Variants in ITGA1 observed in about 807,000 individuals in gnomAD.
The protein encoded by ITGA1 is integrin alpha-1.
In ITGA1, 85 loss-of-function variants were observed where a neutral mutation model predicts 145.9. The ratio of observed to expected loss-of-function variants is 0.58; its 90% CI spans 0.49 to 0.70. The LOEUF is 0.70. Among genes scored for constraint, ITGA1 ranks in the 30% least tolerant of loss-of-function variants. The pLI is 0.00. For missense variants in ITGA1, 1,351 were observed against 1,418.7 expected, an observed-to-expected ratio of 0.95 and a Z score of 0.77; for synonymous variants, 520 against 495.3, an observed-to-expected ratio of 1.05 and a Z score of -0.66.
At chr5:52,937,044 A>G (rs1201230294) in intron 23 of ITGA1, among the ~76,000 whole-genome samples, 3 of 125,872 alleles carry the variant, frequency 2.4e-5, no homozygotes, top group African/African-American at 1.2e-4. Context: ...AAAGACTGGT[A>G]TGTTAAAAAA....
intron 21 of ITGA1, 56 bp downstream of exon 21, chr5:52,929,757 T>C: frequency 1.1e-6 from 1 of 924,030 alleles, no homozygotes; most frequent in South Asian, 1.6e-5. Context: ...TTCTTCTGTG[T>C]ATGTCGAATA....
At position 52,893,655 on chromosome 5, in the gene ITGA1, C is replaced by T; in HGVS notation, c.925-20C>T. 6.3e-7 allele frequency: 1 copy of T among 1,595,578 alleles called. No individual in the cohort carries two copies. Among genetic ancestry groups the T allele is most frequent in the Non-Finnish European group, 8.5e-7 (1 of 1,169,944 alleles). ...ACATAGAATTTAAAATATATTCTTG[C>T]TGTTTCTGTTGTGTCTTAGATTCTT... On this transcript the variant is annotated intron_variant, in intron 8 of 28. Transcript: ENST00000282588.
At chr5:52,869,731 G>A (rs1749748851) in intron 6 of ITGA1, among the ~76,000 whole-genome samples, 1 of 151,984 alleles carries the variant, frequency 6.6e-6, no homozygotes, top group African/African-American at 2.4e-5. Flanking sequence ...CTGATTATTG[G>A]ACATTTAATG....
At chr5:52,908,551 G>A (rs1193093736) in intron 12 of ITGA1, among the ~76,000 whole-genome samples, 1 of 152,068 alleles carries the variant, frequency 6.6e-6, no homozygotes, top group Non-Finnish European at 1.5e-5. Context: ...GCATTCTACT[G>A]CTTATCTAAT....
At position 52,849,381 on chromosome 5, in the gene ITGA1, C is replaced by T. The variant is rs757065276; in HGVS notation, c.78C>T (p.Cys26=). The change falls in exon 2 of 29, where the codon TGC becomes TGT. Residue 26 remains cysteine (C), a synonymous_variant. Transcript: ENST00000282588. ...CTCCTAAAGTTGTTCTACGCTGCTG[C>T]GTATCATTCAATGTTGATGTGAAAA... ...CWLLTVVLRC[C]VSFNVDVKNS... 2.5e-5 allele frequency: 40 copies of T among 1,609,520 alleles called. No homozygotes were observed. The East Asian group carries it at 3.3e-4, about 13-fold the overall frequency.
chr5:52,828,978 T>C (rs1450651104), intron 1 of ITGA1, among the ~76,000 whole-genome samples: 1 of 152,210 alleles, frequency 6.6e-6, no homozygotes, highest in Non-Finnish European at 1.5e-5. Flanking sequence ...TAAATACTCC[T>C]CTCCTTTCTC....
At chr5:52,863,272 C>A (rs964335939) in intron 3 of ITGA1, among the ~76,000 whole-genome samples, 1 of 152,154 alleles carries the variant, frequency 6.6e-6, no homozygotes, top group Non-Finnish European at 1.5e-5. Flanking sequence ...ATTTACTATT[C>A]AAGTCATCTA....
rs766560662 is a variant in ITGA1 at position 52,909,009 on chromosome 5, C to A, written c.1567C>A (p.Gln523Lys). Residue 523 changes from glutamine (Q) to lysine (K), a missense_variant, in exon 13 of 29, where the codon CAA becomes AAA. Transcript: ENST00000282588. ...PMYMGTEKEE[Q>K]GKVYVYALNQ... is the part of the protein sequence containing the mutation. ...GTACATGGGAACAGAGAAGGAGGAGCAAGGAAAAGTGTATGTGTATGCTCT... is the reference window on the plus strand; with the variant it reads ...GTACATGGGAACAGAGAAGGAGGAGAAAGGAAAAGTGTATGTGTATGCTCT... 6.2e-7 allele frequency: 1 copy of A among 1,613,770 alleles called. No individual in the cohort carries two copies. Among genetic ancestry groups the A allele is most frequent in the Non-Finnish European group, 8.5e-7 (1 of 1,179,822 alleles).
intron 1 of ITGA1, among the ~76,000 whole-genome samples, chr5:52,843,617 C>A (rs1363711052): frequency 2.6e-5 from 4 of 152,166 alleles, no homozygotes; most frequent in Non-Finnish European, 5.9e-5. Context: ...TATCCTTTTT[C>A]TGCCAGTCCT....
chr5:52,855,887 A>G (rs544438356), intron 2 of ITGA1, among the ~76,000 whole-genome samples: 13 of 152,266 alleles, frequency 8.5e-5, no homozygotes, highest in Admixed American at 2.0e-4. Context: ...TAGCAGTCCT[A>G]TGATCTGCTA....
chr5:52,929,876 C>A (rs1164807053), intron 21 of ITGA1, among the ~76,000 whole-genome samples, 175 bp downstream of exon 21: 1 of 149,638 alleles, frequency 6.7e-6, no homozygotes, highest in Non-Finnish European at 1.5e-5. Context: ...GAATAATTAG[C>A]AAAATAAAGA....
intron 28 of ITGA1, among the ~76,000 whole-genome samples, chr5:52,949,742 C>A (rs1751190176): frequency 6.6e-6 from 1 of 152,102 alleles, no homozygotes; most frequent in Admixed American, 6.6e-5. Flanking sequence ...TTCGGTAGTT[C>A]CATTATATCA....
intron 1 of ITGA1, chr5:52,800,552 C>A (rs1748449614): frequency 5.6e-6 from 9 of 1,613,644 alleles, no homozygotes; most frequent in Non-Finnish European, 7.6e-6. Context: ...GAGTCCTCCA[C>A]GGGCAGCGTG....
At chr5:52,940,419 T>C (rs1201046466) in intron 26 of ITGA1, among the ~76,000 whole-genome samples, 4 of 151,130 alleles carry the variant, frequency 2.6e-5, no homozygotes, top group Non-Finnish European at 4.4e-5. Flanking sequence ...TTTCTTTTTT[T>C]TTTTTTTGAG....
intron 8 of ITGA1, among the ~76,000 whole-genome samples, chr5:52,890,441 C>T (rs1446468570): frequency 2.0e-5 from 3 of 152,146 alleles, no homozygotes; most frequent in Non-Finnish European, 4.4e-5. Flanking sequence ...CAGTGAAATG[C>T]AAGGTTTCAG....
In ITGA1 at chr5:52,881,918, C is replaced by G. The variant is rs764178472; in HGVS notation, c.670C>G (p.Leu224Val). ...AGAAAACGTGACCCATGAGTTCAACCTCAATAAGTATTCTTCCACCGAAGA... is the reference window on the plus strand; with the variant it reads ...AGAAAACGTGACCCATGAGTTCAACGTCAATAAGTATTCTTCCACCGAAGA... ...YGENVTHEFNLNKYSSTEEVL... is the reference protein window; with the variant it reads ...YGENVTHEFNVNKYSSTEEVL... The change falls in exon 7 of 29, where the codon CTC becomes GTC. Residue 224 changes from leucine (L) to valine (V), a missense_variant. By Grantham distance (32) the Leu-to-Val change is conservative. Coordinates refer to ENST00000282588, the MANE Select transcript of ITGA1 (RefSeq NM_181501.2). The G allele has an allele frequency of 6.2e-7, 1 of 1,613,752 alleles. No homozygotes were observed. The highest frequency in any genetic ancestry group is 8.5e-7 in the Non-Finnish European group (1 of 1,179,798).
Position 52,820,718 on chromosome 5 carries a change from C to T in ITGA1, c.62-28647C>T, listed in dbSNP as rs142423567. 4.1e-4 allele frequency among the ~76,000 whole-genome samples: 63 copies of T among 151,980 alleles called. No individual in the cohort carries two copies. In the East Asian group the frequency reaches 0.011, roughly 26 times the overall value. Reference sequence around the variant, plus strand: ...GTGATATTTGGTGAGCCCTAACTGCCGCAGAAAAACTTTTGAAGCATTTAG... The same window carrying T: ...GTGATATTTGGTGAGCCCTAACTGCTGCAGAAAAACTTTTGAAGCATTTAG... On this transcript the variant is annotated intron_variant, in intron 1 of 28. Coordinates refer to ENST00000282588, the MANE Select transcript of ITGA1 (RefSeq NM_181501.2).
intron 7 of ITGA1, 77 bp from the exon 8 acceptor site, chr5:52,887,738 G>C: frequency 7.0e-7 from 1 of 1,420,012 alleles, no homozygotes. Flanking sequence ...AGTAGTCAGT[G>C]TTTTTGTTTA....
chr5:52,800,670 G>C, intron 1 of ITGA1: 1 of 1,614,214 alleles, frequency 6.2e-7, no homozygotes, highest in African/African-American at 1.3e-5. Flanking sequence ...AAGAGAATGA[G>C]TATGTCAAGA....
Sources: allele counts gnomAD v4.1 joint callset (sites outside exome capture counted in the v4.1 genomes callset), GRCh38; gene constraint gnomAD v4.1.1; transcripts MANE v1.5; gene names NCBI Gene and HGNC (gene_info 2026-07-23, HGNC 2026-07-21).